The following TYW1 variants were observed in gnomAD, a reference collection of about 807,000 sequenced individuals.
The protein encoded by TYW1 is S-adenosyl-L-methionine-dependent tRNA 4-demethylwyosine synthase TYW1.
TYW1 carries 46 observed loss-of-function variants against 96.2 expected under a neutral mutation model. That is an observed-to-expected ratio of 0.48 (90% CI 0.38 to 0.61). TYW1 has a LOEUF of 0.61. Ranked by LOEUF, TYW1 falls within the 20% of genes least tolerant of loss-of-function variation. The pLI, the probability that TYW1 is intolerant of heterozygous loss-of-function variation, is 0.00. For missense variants in TYW1, 684 were observed against 909.6 expected, an observed-to-expected ratio of 0.75 and a Z score of 3.19; for synonymous variants, 274 against 323.0, an observed-to-expected ratio of 0.85 and a Z score of 1.63.
chr7:67,077,434 C>G (rs1796241716), intron 10 of TYW1, among the ~76,000 whole-genome samples: 1 of 152,272 alleles, frequency 6.6e-6, no homozygotes, highest in East Asian at 1.9e-4. Flanking sequence ...GTCATTTTAA[C>G]TTGGGTGAGA....
chr7:67,025,007 T>C lies in TYW1; in HGVS notation c.969T>C (p.His323=). The change falls in exon 7 of 16, where the codon CAT becomes CAC. Residue 323 remains histidine (H), a synonymous_variant. Coordinates refer to ENST00000359626, the MANE Select transcript of TYW1 (RefSeq NM_018264.4). ...DVEDLGKIMD[H]VKKEKREKEQ... ...AAGATTTGGGCAAAATTATGGATCATGTGAAGAAAGAAAAGGTACCGTTAC... is the reference window on the plus strand; with the variant it reads ...AAGATTTGGGCAAAATTATGGATCACGTGAAGAAAGAAAAGGTACCGTTAC... The C allele has an allele frequency of 1.2e-5, 20 of 1,613,820 alleles. No homozygotes were observed. Among genetic ancestry groups the C allele is most frequent in the Non-Finnish European group, 1.6e-5 (19 of 1,179,820 alleles).
At chr7:67,211,192 T>G (rs1258954041) in intron 15 of TYW1, among the ~76,000 whole-genome samples, 2 of 102,572 alleles carry the variant, frequency 1.9e-5, no homozygotes, top group Non-Finnish European at 4.3e-5. Flanking sequence ...GTGTGTGTGT[T>G]TTGAGCACTT....
At chr7:67,041,990 C>A (rs1479819538) in intron 7 of TYW1, among the ~76,000 whole-genome samples, 1 of 146,734 alleles carries the variant, frequency 6.8e-6, no homozygotes, top group African/African-American at 2.5e-5. Context: ...TATTCTAATT[C>A]TATTAGAATT....
At chr7:67,204,525 T>TTCTTCC (rs1391549169) in intron 15 of TYW1, among the ~76,000 whole-genome samples, 10 of 149,904 alleles carry the variant, frequency 6.7e-5, no homozygotes, top group South Asian at 6.3e-4. Context: ...TTCCTTCTTC[T>TTCTTCC]TCTTCCTCTT....
At chr7:67,160,203 A>C (rs1799119898) in intron 13 of TYW1, among the ~76,000 whole-genome samples, 1 of 152,070 alleles carries the variant, frequency 6.6e-6, no homozygotes, top group African/African-American at 2.4e-5. Flanking sequence ...TTGAGGCTGC[A>C]GTGAGCTGTG....
intron 15 of TYW1, among the ~76,000 whole-genome samples, chr7:67,206,610 C>T (rs10230059): frequency 0.27 from 40,408 of 148,796 alleles, 5,761 homozygotes; most frequent in African/African-American, 0.36. Flanking sequence ...CAAAATGAGA[C>T]TCTGTCTCAA....
intron 11 of TYW1, among the ~76,000 whole-genome samples, chr7:67,090,424 T>C (rs1274673679): frequency 6.6e-6 from 1 of 152,176 alleles, no homozygotes; most frequent in East Asian, 1.9e-4. Flanking sequence ...TGTTATTTGG[T>C]TTATCGCTAT....
intron 12 of TYW1, among the ~76,000 whole-genome samples, chr7:67,116,115 C>T (rs182992535): frequency 1.2e-4 from 19 of 152,042 alleles, no homozygotes; most frequent in East Asian, 1.2e-3. Context: ...CACCTGAGGT[C>T]AGGAGTTCAA....
intron 14 of TYW1, among the ~76,000 whole-genome samples, chr7:67,191,192 ACCCAAACACCT>A (rs1800205147): frequency 6.6e-6 from 1 of 152,086 alleles, no homozygotes; most frequent in Admixed American, 6.5e-5. Context: ...TGCCCTTGTG[ACCCAAACACCT>A]CCCACTGGGC....
intron 13 of TYW1, among the ~76,000 whole-genome samples, chr7:67,172,014 G>T (rs4433018): frequency 0.62 from 93,847 of 151,856 alleles, 29,032 homozygotes; most frequent in Middle Eastern, 0.72. Flanking sequence ...TTCTTAAACA[G>T]TTGGAAAATC....
chr7:67,090,042 G>T (rs981771432), intron 11 of TYW1, among the ~76,000 whole-genome samples: 5 of 152,174 alleles, frequency 3.3e-5, no homozygotes, highest in African/African-American at 2.4e-5. Flanking sequence ...AGATGAAAAA[G>T]ACATCATTTA....
chr7:67,082,728 G>T (rs1268964449), intron 10 of TYW1, among the ~76,000 whole-genome samples: 1 of 152,094 alleles, frequency 6.6e-6, no homozygotes, highest in African/African-American at 2.4e-5. Flanking sequence ...TGGTCTCCTT[G>T]CTGTACTGCG....
chr7:67,149,777 T>TCC (rs1302747428), intron 13 of TYW1, among the ~76,000 whole-genome samples: 18 of 87,342 alleles, frequency 2.1e-4, no homozygotes, highest in Non-Finnish European at 4.3e-4. Context: ...TATCTATCTC[T>TCC]CTATGTTAAA....
chr7:67,177,433 A>G (rs1351342419), intron 13 of TYW1, among the ~76,000 whole-genome samples: 1 of 152,092 alleles, frequency 6.6e-6, no homozygotes, highest in African/African-American at 2.4e-5. Context: ...AGGAAGCCAT[A>G]AAGTGGATGA....
chr7:67,091,493 A>G (rs1213482187), intron 11 of TYW1, among the ~76,000 whole-genome samples: 4 of 152,314 alleles, frequency 2.6e-5, no homozygotes, highest in South Asian at 2.1e-4. Context: ...CAGCACGCCA[A>G]CGTGGCACAT....
chr7:67,076,751 C>T lies in TYW1; in HGVS notation c.1275-6679C>T, dbSNP rs537016873. 3.4e-5 allele frequency among the ~76,000 whole-genome samples: 5 copies of T among 148,694 alleles called. No homozygotes were observed. The South Asian group carries it at 1.1e-3, about 32-fold the overall frequency. ...TTGGCCTTCCAAAGTGCTGGGATTA[C>T]AGGCTTGAGCCACTGCACTCAGCCT... On this transcript the variant is annotated intron_variant, in intron 10 of 15. Coordinates refer to ENST00000359626, the MANE Select transcript of TYW1 (RefSeq NM_018264.4).
intron 4 of TYW1, among the ~76,000 whole-genome samples, chr7:67,012,748 A>G (rs913555128): frequency 1.2e-4 from 19 of 152,296 alleles, no homozygotes; most frequent in Non-Finnish European, 2.1e-4. Flanking sequence ...AAACGCAGTC[A>G]AAAGTTTGTT....
chr7:67,060,278 G>T (rs1300635545), intron 9 of TYW1, among the ~76,000 whole-genome samples: 1 of 152,072 alleles, frequency 6.6e-6, no homozygotes, highest in African/African-American at 2.4e-5. Flanking sequence ...GTTTTGCCAC[G>T]TTGGCCAGGC....
intron 12 of TYW1, among the ~76,000 whole-genome samples, chr7:67,104,940 C>T (rs1433817018): frequency 3.9e-5 from 6 of 152,192 alleles, no homozygotes; most frequent in Non-Finnish European, 7.3e-5. Context: ...TCAAATCAGC[C>T]TGGAAGTCTT....
Sources: allele counts gnomAD v4.1 joint callset (sites outside exome capture counted in the v4.1 genomes callset), GRCh38; gene constraint gnomAD v4.1.1; transcripts MANE v1.5; gene names NCBI Gene and HGNC (gene_info 2026-07-23, HGNC 2026-07-21).